The following CEP89 variants were observed in gnomAD, a reference collection of about 807,000 sequenced individuals.
CEP89 encodes the protein centrosomal protein 89.
Under a neutral mutation model 97.6 loss-of-function variants are expected in CEP89, and 95 were observed. That is an observed-to-expected ratio of 0.97 (90% confidence interval 0.82 to 1.15). The LOEUF is 1.15. Among genes scored for constraint, CEP89 ranks in the 50% most tolerant of loss-of-function variants. The pLI, the probability that CEP89 is intolerant of heterozygous loss-of-function variation, is 0.00. For missense variants in CEP89, 869 were observed against 947.7 expected (o/e 0.92, Z 1.09); for synonymous variants, 354 against 349.1 (o/e 1.01, Z -0.16).
intron 4 of CEP89, among the ~76,000 whole-genome samples, chr19:32,949,195 T>C (rs1253642346): frequency 6.6e-6 from 1 of 152,232 alleles, no homozygotes; most frequent in Non-Finnish European, 1.5e-5. Context: ...CCATTCATGT[T>C]AGCTATATAG....
intron 16 of CEP89, among the ~76,000 whole-genome samples, chr19:32,894,674 C>T (rs1313114416): frequency 6.6e-6 from 1 of 152,192 alleles, no homozygotes; most frequent in Non-Finnish European, 1.5e-5. Context: ...CATGTACATG[C>T]TGAGTGCATG....
chr19:32,937,454 T>A (rs1599758128), intron 7 of CEP89, 177 bp downstream of exon 7: 6 of 559,538 alleles, frequency 1.1e-5, no homozygotes, highest in East Asian at 3.3e-5. Flanking sequence ...CCCAAGCACA[T>A]CCTGTATGGA....
At chr19:32,915,243 G>T in intron 14 of CEP89, 94 bp downstream of exon 14, 1 of 1,142,600 alleles carries the variant, frequency 8.8e-7, no homozygotes, top group Non-Finnish European at 1.2e-6. Flanking sequence ...CAGATCACTT[G>T]AGCCCAGGAG....
intron 14 of CEP89, among the ~76,000 whole-genome samples, chr19:32,903,672 T>A (rs377168812): frequency 6.6e-6 from 1 of 152,174 alleles, no homozygotes; most frequent in South Asian, 2.1e-4. Flanking sequence ...CACTGTCTGA[T>A]TGAAGCCCAG....
In CEP89 at chr19:32,966,375, G is replaced by A; in HGVS notation, c.131C>T (p.Ser44Phe). 6.5e-7 allele frequency: 1 copy of A among 1,546,704 alleles called. No homozygotes were observed. Among genetic ancestry groups the A allele is most frequent in the Non-Finnish European group, 8.8e-7 (1 of 1,142,282 alleles). Residue 44 changes from serine to phenylalanine, a missense_variant, in exon 2 of 19, where the codon TCT becomes TTT. By Grantham distance (155) the Ser-to-Phe change is radical (BLOSUM62 -2). Transcript: ENST00000305768. Reference sequence around the variant, plus strand: ...TGATACTCACCTTGGTCTCTCTGGAGATGGGTTGGGGCTGCGGGGAGGAGG... The same window carrying A: ...TGATACTCACCTTGGTCTCTCTGGAAATGGGTTGGGGCTGCGGGGAGGAGG... Reference protein sequence around the residue: ...RTPPPRSPNPSPERPRSALAA... With the variant: ...RTPPPRSPNPFPERPRSALAA...
At chr19:32,889,000 G>A (rs542865429) in intron 16 of CEP89, among the ~76,000 whole-genome samples, 1 of 152,136 alleles carries the variant, frequency 6.6e-6, no homozygotes, top group East Asian at 2.0e-4. Flanking sequence ...AAAGTGATTT[G>A]TAGCCAGAGG....
intron 7 of CEP89, 21 bp from the exon 8 acceptor site, chr19:32,933,690 A>T: frequency 6.9e-7 from 1 of 1,446,840 alleles, no homozygotes; most frequent in Non-Finnish European, 9.7e-7. Context: ...TCAGGGGAAA[A>T]TTTTACAATG....
chr19:32,953,798 T>C lies in CEP89; in HGVS notation c.309A>G (p.Pro103=). The C allele has an allele frequency of 6.2e-7, 1 of 1,612,472 alleles. No homozygotes were observed. Among genetic ancestry groups the C allele is most frequent in the South Asian group, 1.1e-5 (1 of 91,014 alleles). Residue 103 remains proline (P), a synonymous_variant, in exon 4 of 19, where the codon CCA becomes CCG. Transcript: ENST00000305768. ...TTCTTCCCATCTCACTCTGCCAATT[T>C]GGCCTGTATTAGAATATTCATGGGG... The part of the protein sequence containing the change: ...YATTSQLRPR[P]NWQSEMGRRS...
intron 8 of CEP89, among the ~76,000 whole-genome samples, chr19:32,932,299 C>T (rs1970493198): frequency 6.6e-6 from 1 of 151,458 alleles, no homozygotes; most frequent in East Asian, 1.9e-4. Flanking sequence ...AAATAGATCC[C>T]ACAAGGTAAC....
intron 16 of CEP89, among the ~76,000 whole-genome samples, chr19:32,893,500 T>C (rs1031397878): frequency 6.6e-6 from 1 of 152,128 alleles, no homozygotes; most frequent in African/African-American, 2.4e-5. Context: ...AAAGAAACAT[T>C]GAATTTAACT....
At chr19:32,909,208 T>C (rs1337635543) in intron 14 of CEP89, among the ~76,000 whole-genome samples, 6 of 152,224 alleles carry the variant, frequency 3.9e-5, no homozygotes, top group Non-Finnish European at 7.3e-5. Context: ...TAAGGAAATT[T>C]AGCAAACTCT....
chr19:32,926,304 T>C (rs1355465107), intron 10 of CEP89, 31 bp from the exon 11 acceptor site: 1 of 1,485,258 alleles, frequency 6.7e-7, no homozygotes, highest in African/African-American at 1.4e-5. Flanking sequence ...AAGGTTAATA[T>C]ATTTCTTACA....
chr19:32,960,705 G>A (rs1445084680), intron 2 of CEP89, among the ~76,000 whole-genome samples: 1 of 152,014 alleles, frequency 6.6e-6, no homozygotes, highest in Non-Finnish European at 1.5e-5. Context: ...AGCTACTCAG[G>A]AGACTGAGGC....
chr19:32,918,424 G>C (rs548042706), intron 12 of CEP89, 85 bp from the exon 13 acceptor site: 1 of 921,902 alleles, frequency 1.1e-6, no homozygotes, highest in African/African-American at 1.6e-5. Context: ...GGAAGCAATG[G>C]CTGCATTACA....
At chr19:32,952,918 AAAAAAAG>A (rs1568577630) in intron 4 of CEP89, among the ~76,000 whole-genome samples, 1 of 138,146 alleles carries the variant, frequency 7.2e-6, no homozygotes, top group Admixed American at 8.1e-5. Flanking sequence ...AAAAAAAAAA[AAAAAAAG>A]AAAAGAAAAA....
rs755975290 is a variant in CEP89, at chr19:32,953,600, G to T, written c.492+15C>A. ...GGGTGAATGTCAAGAAGAAAACTGGGAACATAGAAAACACCTGATTTCTGT... is the reference window on the plus strand; with the variant it reads ...GGGTGAATGTCAAGAAGAAAACTGGTAACATAGAAAACACCTGATTTCTGT... On this transcript the variant is annotated intron_variant, in intron 4 of 18. Transcript: ENST00000305768. 5 of 1,581,030 alleles carry T rather than the reference G, an allele frequency of 3.2e-6. No individual in the cohort carries two copies. The South Asian group carries it at 4.5e-5, about 14-fold the overall frequency.
chr19:32,903,699 G>T lies in CEP89; in HGVS notation c.1566-2287C>A, dbSNP rs149456366. Among the ~76,000 whole-genome samples, 911 of 152,258 alleles carry T rather than the reference G, an allele frequency of 6.0e-3. 8 individuals are homozygous for T. The highest frequency in any genetic ancestry group is 0.02 in the African/African-American group (818 of 41,552). On this transcript the variant is annotated intron_variant, in intron 14 of 18. Transcript: ENST00000305768. ...GAAGCCCAGAGAGAAACAAGTGTGG[G>T]CTAAAAGTGAACAGAACAGTCAACA... is the stretch of plus-strand genomic sequence containing the variant.
chr19:32,957,795 G>GCAA (rs1971079615), intron 3 of CEP89, among the ~76,000 whole-genome samples: 1 of 152,052 alleles, frequency 6.6e-6, no homozygotes, highest in African/African-American at 2.4e-5. Flanking sequence ...GAGTGACAGA[G>GCAA]CAAGACTCTG....
At chr19:32,913,083 TATA>T (rs1477463630) in intron 14 of CEP89, among the ~76,000 whole-genome samples, 6 of 147,660 alleles carry the variant, frequency 4.1e-5, no homozygotes, top group East Asian at 1.9e-4. Context: ...TATATAAATA[TATA>T]ATAATAAAAA....
Sources: gnomAD v4.1 joint callset for allele counts (sites outside exome capture counted in the v4.1 genomes callset) on GRCh38, gnomAD v4.1.1 for gene constraint, MANE v1.5 for transcripts, NCBI Gene and HGNC (gene_info 2026-07-23, HGNC 2026-07-21) for gene names.